The following ZFHX3 variants were observed in gnomAD, a reference collection of about 807,000 sequenced individuals.
ZFHX3 encodes the protein zinc finger homeobox protein 3.
ZFHX3 carries 42 observed loss-of-function variants against 279.1 expected under a neutral mutation model. That is an observed-to-expected ratio of 0.15 (90% CI 0.12 to 0.19). The LOEUF (loss-of-function observed/expected upper bound fraction) is 0.19, where lower values mean the gene tolerates loss of function less well. Ranked by LOEUF, ZFHX3 falls within the 10% of genes least tolerant of loss-of-function variation. The probability of loss-of-function intolerance (pLI) is 1.00; values close to 1 mark genes in which losing one functional copy is unlikely to be tolerated. For synonymous variants in ZFHX3, 2,293 were observed against 1,957.8 expected (o/e 1.17, Z -4.52); for missense variants, 4,981 against 4,754.0 (o/e 1.05, Z -1.40).
chr16:73,631,213 G>A (rs1270169866), intron 2 of ZFHX3, among the ~76,000 whole-genome samples: 1 of 152,114 alleles, frequency 6.6e-6, no homozygotes, highest in East Asian at 1.9e-4. Flanking sequence ...ATATGTAAAG[G>A]CTCTGAAACT....
chr16:72,993,756 C>T (rs115418426), intron 1 of ZFHX3, among the ~76,000 whole-genome samples: 2,912 of 152,236 alleles, frequency 0.019, 98 homozygotes, highest in African/African-American at 0.066. Flanking sequence ...TCAGGAGAGG[C>T]GGCAAGTTCA....
intron 4 of ZFHX3, among the ~76,000 whole-genome samples, chr16:73,264,991 A>T (rs1159403216): frequency 1.4e-5 from 2 of 145,246 alleles, no homozygotes; most frequent in African/African-American, 5.1e-5. Context: ...TGTGTGTATT[A>T]TATATATATA....
At chr16:72,808,738 C>A (rs2036348169) in intron 7 of ZFHX3, among the ~76,000 whole-genome samples, 1 of 152,210 alleles carries the variant, frequency 6.6e-6, no homozygotes, top group African/African-American at 2.4e-5. Context: ...GTGTCTCCTA[C>A]ATAATTACAT....
rs34917527 is a variant in ZFHX3 at position 73,423,861 on chromosome 16, C to CAA, written c.-1291+32140_-1291+32141dup. 2.2e-5 allele frequency among the ~76,000 whole-genome samples: 3 copies of CAA among 136,746 alleles called. No individual in the cohort carries two copies. In the East Asian group the frequency reaches 6.8e-4, roughly 31 times the overall value. 89.7% of individuals were successfully genotyped at this position (136,746 alleles called of 152,430 possible). A position where few individuals can be genotyped will look rare whatever the true frequency, so the allele number is the denominator to read the frequency against. On this transcript the variant is annotated intron_variant, in intron 3 of 17. Transcript: ENST00000641206. The stretch of plus-strand genomic sequence containing the variant: ...TGTGAGACAGGGTGAGACTCCATCT[C>CAA]AAAAAAAAAAAAAAAAAGTGAGAGA...
intron 8 of ZFHX3, among the ~76,000 whole-genome samples, chr16:73,077,498 TAGCCAA>T (rs1965898800): frequency 6.6e-6 from 1 of 152,074 alleles, no homozygotes; most frequent in Admixed American, 6.6e-5. Flanking sequence ...CCCGTGATTT[TAGCCAA>T]TAACAACAGC....
At position 73,224,016 on chromosome 16, in the gene ZFHX3, G is replaced by T. The variant is rs184396945; in HGVS notation, c.-1104+33031C>A. Among the ~76,000 whole-genome samples, 6 of 152,302 alleles carry T rather than the reference G, an allele frequency of 3.9e-5. No individual in the cohort carries two copies. The East Asian group carries it at 1.2e-3, about 29-fold the overall frequency. ...GGAAAAAGATCAGCGGTTGCTATAG[G>T]CTAGGGAGGAGGGAGGGATGAGTAG... On this transcript the variant is annotated intron_variant, in intron 5 of 17. Coordinates refer to the ZFHX3 transcript ENST00000641206.
At chr16:73,027,935 G>C (rs1326615735) in intron 1 of ZFHX3, among the ~76,000 whole-genome samples, 5 of 152,172 alleles carry the variant, frequency 3.3e-5, no homozygotes, top group Non-Finnish European at 7.3e-5. Flanking sequence ...GCACTGCAGA[G>C]AGAGGCTGCC....
At chr16:73,244,007 A>T (rs543704464) in intron 5 of ZFHX3, among the ~76,000 whole-genome samples, 19 of 152,232 alleles carry the variant, frequency 1.2e-4, no homozygotes, top group Admixed American at 7.9e-4. Flanking sequence ...AGAATGGTAC[A>T]CTGATGGCCA....
At chr16:73,847,373 T>G (rs1372146869) in intron 1 of ZFHX3, among the ~76,000 whole-genome samples, 1 of 151,980 alleles carries the variant, frequency 6.6e-6, no homozygotes, top group Non-Finnish European at 1.5e-5. Context: ...CAAAAACCAG[T>G]GTCGAGGGGG....
At chr16:73,760,552 G>C (rs548780686) in intron 1 of ZFHX3, among the ~76,000 whole-genome samples, 1 of 152,094 alleles carries the variant, frequency 6.6e-6, no homozygotes, top group Non-Finnish European at 1.5e-5. Context: ...AGACCAATAT[G>C]AACATCAATG....
At chr16:73,840,609 C>T (rs1463883946) in intron 1 of ZFHX3, among the ~76,000 whole-genome samples, 1 of 152,108 alleles carries the variant, frequency 6.6e-6, no homozygotes, top group Non-Finnish European at 1.5e-5. Context: ...GGCTCTATTG[C>T]ACATTCAAGG....
intron 5 of ZFHX3, among the ~76,000 whole-genome samples, chr16:73,190,156 A>C (rs1038169410): frequency 5.9e-5 from 9 of 152,198 alleles, no homozygotes; most frequent in African/African-American, 1.9e-4. Context: ...GACTCACCTT[A>C]AGGAACGCAC....
chr16:73,189,938 TA>T (rs961276196), intron 5 of ZFHX3, among the ~76,000 whole-genome samples: 27 of 150,622 alleles, frequency 1.8e-4, no homozygotes, highest in African/African-American at 5.4e-4. Context: ...CTAAAAAAAT[TA>T]AAAAAAAAAT....
At chr16:73,239,002 C>G (rs1385100697) in intron 5 of ZFHX3, among the ~76,000 whole-genome samples, 1 of 152,214 alleles carries the variant, frequency 6.6e-6, no homozygotes, top group East Asian at 1.9e-4. Flanking sequence ...CATGACTCCA[C>G]TTTCACAATG....
intron 1 of ZFHX3, among the ~76,000 whole-genome samples, chr16:73,715,805 G>A (rs568737709): frequency 8.6e-5 from 13 of 151,588 alleles, no homozygotes; most frequent in South Asian, 2.1e-4. Flanking sequence ...AACTCCTGAC[G>A]TCGTGATCCA....
At chr16:73,445,443 G>A (rs932829308) in intron 3 of ZFHX3, among the ~76,000 whole-genome samples, 1 of 151,824 alleles carries the variant, frequency 6.6e-6, no homozygotes, top group Non-Finnish European at 1.5e-5. Context: ...GGATTTAAAG[G>A]GATTTTATAA....
At chr16:73,680,850 G>A (rs375628365) in intron 1 of ZFHX3, among the ~76,000 whole-genome samples, 5 of 152,294 alleles carry the variant, frequency 3.3e-5, no homozygotes, top group African/African-American at 1.2e-4. Context: ...TGTGAGTGGG[G>A]TAAGTGCCTT....
chr16:73,146,701 G>A (rs1467372679), intron 5 of ZFHX3, among the ~76,000 whole-genome samples: 1 of 151,722 alleles, frequency 6.6e-6, no homozygotes, highest in African/African-American at 2.4e-5. Context: ...GTTTTGCTCT[G>A]TTGCCAGGCT....
At chr16:73,724,356 T>C (rs1321337742) in intron 1 of ZFHX3, among the ~76,000 whole-genome samples, 1 of 152,218 alleles carries the variant, frequency 6.6e-6, no homozygotes, top group Non-Finnish European at 1.5e-5. Flanking sequence ...TGCAAACCTG[T>C]GGTCATCAGG....
Sources: allele counts gnomAD v4.1 joint callset (sites outside exome capture counted in the v4.1 genomes callset), GRCh38; gene constraint gnomAD v4.1.1; transcripts MANE v1.5; gene names NCBI Gene and HGNC (gene_info 2026-07-23, HGNC 2026-07-21).